NBEA: variants seen among roughly 807,000 people sequenced by gnomAD.
NBEA encodes the protein neurobeachin.
NBEA carries 44 observed loss-of-function variants against 343.4 expected under a neutral mutation model. That is an observed-to-expected ratio of 0.13 (90% confidence interval 0.10 to 0.16). The LOEUF is 0.16. Ranked by LOEUF, NBEA falls within the 10% of genes least tolerant of loss-of-function variation. The pLI, the probability that NBEA is intolerant of heterozygous loss-of-function variation, is 1.00. For synonymous variants in NBEA, 1,175 were observed against 1,238.7 expected (o/e 0.95, Z 1.08); for missense variants, 2,555 against 3,631.3 (o/e 0.70, Z 7.62).
chr13:35,185,296 C>T (rs1295970051), intron 30 of NBEA: 1 of 152,112 alleles, frequency 6.6e-6, no homozygotes, highest in Admixed American at 6.6e-5. Context: ...GGACCCTGTG[C>T]TCCAGGTGAT....
At chr13:35,614,519 A>G (rs569956242) in intron 48 of NBEA, among the ~76,000 whole-genome samples, 1 of 152,330 alleles carries the variant, frequency 6.6e-6, no homozygotes, top group South Asian at 2.1e-4. Context: ...AGCCCTTATT[A>G]TAAGGCTTAA....
At chr13:35,143,845 G>A (rs982851055) in intron 18 of NBEA, among the ~76,000 whole-genome samples, 10 of 148,332 alleles carry the variant, frequency 6.7e-5, no homozygotes, top group East Asian at 6.0e-4. Flanking sequence ...CTGAGATCGC[G>A]CCACTGCACT....
At chr13:34,943,948 CAG>C (rs1219726072) in intron 1 of NBEA, among the ~76,000 whole-genome samples, 6 of 152,164 alleles carry the variant, frequency 3.9e-5, no homozygotes, top group Non-Finnish European at 5.9e-5. Context: ...GCGCTATCTA[CAG>C]AGAGGCTCAG....
intron 18 of NBEA, among the ~76,000 whole-genome samples, chr13:35,148,117 G>T (rs1208680643): frequency 6.6e-6 from 1 of 152,156 alleles, no homozygotes; most frequent in African/African-American, 2.4e-5. Context: ...GTGGGACCTT[G>T]ACCCCAGCTG....
intron 1 of NBEA, among the ~76,000 whole-genome samples, chr13:35,015,689 A>G (rs928545586): frequency 6.6e-6 from 1 of 152,244 alleles, no homozygotes; most frequent in East Asian, 1.9e-4. Flanking sequence ...TATGAAGATT[A>G]GGAATAATTA....
In NBEA at chr13:35,649,828, T is replaced by C; in HGVS notation, c.7944T>C (p.Asn2648=). The part of the protein sequence containing the change: ...TVTCSRLFAV[N]RWHNTVGLRG... Reference sequence around the variant, plus strand: ...CTTGCAGCCGACTCTTTGCAGTGAATAGATGGCACAACACAGTAGGTATGT... The same window carrying C: ...CTTGCAGCCGACTCTTTGCAGTGAACAGATGGCACAACACAGTAGGTATGT... Residue 2648 remains asparagine, a synonymous_variant, in exon 52 of 59, where the codon AAT becomes AAC. Transcript: ENST00000379939. The C allele has an allele frequency of 1.9e-6, 3 of 1,614,020 alleles. No homozygotes were observed. The highest frequency in any genetic ancestry group is 1.7e-5 in the Admixed American group (1 of 60,018).
At chr13:35,195,080 T>C (rs963119774) in intron 30 of NBEA, among the ~76,000 whole-genome samples, 1 of 152,092 alleles carries the variant, frequency 6.6e-6, no homozygotes, top group African/African-American at 2.4e-5. Context: ...AAAATGATCT[T>C]CGATTATCTT....
intron 1 of NBEA, among the ~76,000 whole-genome samples, chr13:35,001,797 C>T (rs1204317494): frequency 6.6e-6 from 1 of 151,938 alleles, no homozygotes; most frequent in Non-Finnish European, 1.5e-5. Context: ...TTTGAAATAG[C>T]TAGAAGAGAG....
chr13:35,311,030 G>A (rs2037327349), intron 36 of NBEA, among the ~76,000 whole-genome samples: 1 of 151,630 alleles, frequency 6.6e-6, no homozygotes, highest in Admixed American at 6.6e-5. Flanking sequence ...AATCATGTTA[G>A]CCAGTAGTAC....
chr13:35,191,313 G>C (rs971081252), intron 30 of NBEA, among the ~76,000 whole-genome samples: 3 of 152,088 alleles, frequency 2.0e-5, no homozygotes, highest in African/African-American at 7.2e-5. Context: ...TGCACTCCAA[G>C]TAGGATAAAC....
chr13:35,543,532 T>C (rs922221919), intron 41 of NBEA, among the ~76,000 whole-genome samples: 4 of 152,236 alleles, frequency 2.6e-5, no homozygotes, highest in Non-Finnish European at 4.4e-5. Flanking sequence ...AAAGGATTTT[T>C]TTTTCAGTCC....
intron 44 of NBEA, among the ~76,000 whole-genome samples, chr13:35,565,289 T>C (rs1330333997): frequency 6.6e-6 from 1 of 152,216 alleles, no homozygotes; most frequent in African/African-American, 2.4e-5. Flanking sequence ...ACAGATAAAA[T>C]AGTCATCAAT....
intron 38 of NBEA, among the ~76,000 whole-genome samples, chr13:35,365,634 G>A (rs1160134722): frequency 6.6e-6 from 1 of 151,548 alleles, no homozygotes; most frequent in African/African-American, 2.4e-5. Context: ...CACTTGCTGC[G>A]ATTTTTGTTT....
At chr13:35,624,207 G>GT (rs2083124311) in intron 48 of NBEA, among the ~76,000 whole-genome samples, 1 of 151,980 alleles carries the variant, frequency 6.6e-6, no homozygotes, top group Non-Finnish European at 1.5e-5. Flanking sequence ...AAAACAAAAA[G>GT]TTGTAGGTGT....
intron 1 of NBEA, among the ~76,000 whole-genome samples, chr13:34,999,433 A>G (rs1415764804): frequency 6.6e-6 from 1 of 152,066 alleles, no homozygotes; most frequent in Non-Finnish European, 1.5e-5. Context: ...TTGTTCTCAC[A>G]AGTCCTCTGT....
chr13:35,221,627 T>C (rs985048491), intron 33 of NBEA, among the ~76,000 whole-genome samples: 2 of 152,146 alleles, frequency 1.3e-5, no homozygotes, highest in Non-Finnish European at 2.9e-5. Context: ...GAAAAAAATG[T>C]ATTTTTTTCT....
intron 36 of NBEA, among the ~76,000 whole-genome samples, chr13:35,322,199 T>G (rs2038201279): frequency 6.6e-6 from 1 of 152,174 alleles, no homozygotes; most frequent in Non-Finnish European, 1.5e-5. Flanking sequence ...TGTCCAGTTT[T>G]GTGCTTGAAA....
intron 41 of NBEA, among the ~76,000 whole-genome samples, chr13:35,497,933 C>A (rs2076742784): frequency 6.6e-6 from 1 of 151,734 alleles, no homozygotes; most frequent in Non-Finnish European, 1.5e-5. Flanking sequence ...TATTTTTTAC[C>A]TTGAATGTGT....
At chr13:35,214,402 C>G (rs2073952582) in intron 33 of NBEA, among the ~76,000 whole-genome samples, 1 of 151,784 alleles carries the variant, frequency 6.6e-6, no homozygotes, top group Non-Finnish European at 1.5e-5. Flanking sequence ...CTTGTCAGCA[C>G]TTGGTATTGT....
Sources: gnomAD v4.1 joint callset for allele counts (sites outside exome capture counted in the v4.1 genomes callset) on GRCh38, gnomAD v4.1.1 for gene constraint, MANE v1.5 for transcripts, NCBI Gene and HGNC (gene_info 2026-07-23, HGNC 2026-07-21) for gene names.